NSRP1: variants seen among roughly 807,000 people sequenced by gnomAD.
NSRP1 encodes coiled-coil domain containing 55.
In NSRP1, 24 loss-of-function variants were observed where a neutral mutation model predicts 54.7. That is an observed-to-expected ratio of 0.44 (90% CI 0.32 to 0.62). The LOEUF is 0.62. Among genes scored for constraint, NSRP1 ranks in the 20% least tolerant of loss-of-function variants. The pLI is 0.06. For synonymous variants in NSRP1, 210 were observed against 213.8 expected (o/e 0.98, Z 0.15); for missense variants, 596 against 651.2 (o/e 0.92, Z 0.92).
At position 30,181,721 on chromosome 17, in the gene NSRP1, G is replaced by A. The variant is rs146258543; in HGVS notation, c.617+705G>A. ...TGCCTCTCAAGTTCAAGGGATTCTC[G>A]TGCCTCAGCTTCCTGAGTAGCTGGG... On this transcript the variant is annotated intron_variant, in intron 6 of 6. Coordinates refer to ENST00000247026, the MANE Select transcript of NSRP1 (RefSeq NM_032141.4). Among the ~76,000 whole-genome samples, 804 of 150,898 alleles carry A rather than the reference G, an allele frequency of 5.3e-3. 7 individuals carry two copies. Among genetic ancestry groups the A allele is most frequent in the African/African-American group, 0.018 (746 of 41,038 alleles).
intron 2 of NSRP1, 68 bp downstream of exon 2, chr17:30,118,241 C>T: frequency 1.7e-6 from 2 of 1,175,826 alleles, no homozygotes; most frequent in Non-Finnish European, 2.5e-6. Flanking sequence ...GAACTTGTGA[C>T]TCTGATACCT....
In NSRP1 at chr17:30,118,069, A is replaced by C. The variant is rs756546980; in HGVS notation, c.21-11A>C. ...AAGGTTTAATTTCTATTTCAAAAAAAATATATGCAGGTATGGGCTTATTTT... is the reference window on the plus strand; with the variant it reads ...AAGGTTTAATTTCTATTTCAAAAAACATATATGCAGGTATGGGCTTATTTT... On this transcript the variant is annotated splice_polypyrimidine_tract_variant and intron_variant, in intron 1 of 6. Transcript: ENST00000247026. 10 of 1,605,750 alleles carry C rather than the reference A, an allele frequency of 6.2e-6. No individual in the cohort carries two copies. The East Asian group carries it at 2.0e-4, about 32-fold the overall frequency.
intron 2 of NSRP1, among the ~76,000 whole-genome samples, chr17:30,170,132 A>G (rs1047811086): frequency 4.6e-5 from 7 of 152,154 alleles, no homozygotes; most frequent in Admixed American, 1.3e-4. Flanking sequence ...AAAAAGATGT[A>G]ATTCACATAG....
At chr17:30,127,540 A>G (rs2071661289) in intron 2 of NSRP1, among the ~76,000 whole-genome samples, 1 of 152,154 alleles carries the variant, frequency 6.6e-6, no homozygotes, top group Non-Finnish European at 1.5e-5. Flanking sequence ...TAAACACTCC[A>G]GTAGCTGGCA....
chr17:30,118,795 C>T (rs975802455), intron 2 of NSRP1, among the ~76,000 whole-genome samples: 1 of 150,072 alleles, frequency 6.7e-6, no homozygotes, highest in Non-Finnish European at 1.5e-5. Flanking sequence ...GTTGCCCAGG[C>T]TGGAGTGCAA....
At chr17:30,124,660 A>G (rs907541167) in intron 2 of NSRP1, among the ~76,000 whole-genome samples, 6 of 152,234 alleles carry the variant, frequency 3.9e-5, no homozygotes, top group Non-Finnish European at 7.3e-5. Context: ...TGGGGACCAG[A>G]GTTACCTGGT....
At chr17:30,183,974 G>T (rs1905411689) in intron 6 of NSRP1, among the ~76,000 whole-genome samples, 1 of 152,214 alleles carries the variant, frequency 6.6e-6, no homozygotes. Flanking sequence ...GGCCAGGGTG[G>T]TTGGATCACC....
intron 2 of NSRP1, among the ~76,000 whole-genome samples, chr17:30,129,049 C>T (rs751161134): frequency 6.0e-5 from 9 of 150,814 alleles, no homozygotes; most frequent in East Asian, 1.9e-4. Context: ...TGAGCCACCA[C>T]GCCTGGCATG....
intron 2 of NSRP1, among the ~76,000 whole-genome samples, chr17:30,121,528 T>C (rs2071596536): frequency 6.6e-6 from 1 of 151,342 alleles, no homozygotes; most frequent in African/African-American, 2.4e-5. Context: ...ACTTTACCCT[T>C]TTAAAGTGTA....
intron 2 of NSRP1, among the ~76,000 whole-genome samples, chr17:30,163,665 C>T (rs1385552960): frequency 7.1e-6 from 1 of 141,686 alleles, no homozygotes; most frequent in Admixed American, 7.0e-5. Context: ...TTTATGGTGC[C>T]TATACTTTGA....
At chr17:30,175,713 G>C (rs1353807925) in intron 3 of NSRP1, among the ~76,000 whole-genome samples, 2 of 152,134 alleles carry the variant, frequency 1.3e-5, no homozygotes, top group African/African-American at 4.8e-5. Context: ...TCCCTAACAT[G>C]ATTATTTTGG....
intron 2 of NSRP1, among the ~76,000 whole-genome samples, chr17:30,164,029 G>A (rs904238537): frequency 6.9e-6 from 1 of 145,642 alleles, no homozygotes; most frequent in African/African-American, 2.8e-5. Flanking sequence ...GTGTGTGTGT[G>A]CGTGTGTGCG....
intron 2 of NSRP1, among the ~76,000 whole-genome samples, chr17:30,162,300 G>C (rs1233147375): frequency 6.6e-6 from 1 of 152,092 alleles, no homozygotes; most frequent in East Asian, 1.9e-4. Flanking sequence ...AAAGTGCTGG[G>C]ATTACAGGCG....
chr17:30,180,245 C>T (rs558474790), intron 5 of NSRP1, among the ~76,000 whole-genome samples: 7 of 152,332 alleles, frequency 4.6e-5, no homozygotes, highest in African/African-American at 1.2e-4. Context: ...CAACCTCTGC[C>T]TCCCAAGTTC....
chr17:30,164,076 AC>A (rs1904642695), intron 2 of NSRP1, among the ~76,000 whole-genome samples: 2 of 152,110 alleles, frequency 1.3e-5, no homozygotes, highest in African/African-American at 4.8e-5. Flanking sequence ...TGTAAAATAG[AC>A]CAGTCACTTT....
rs912543482 is a variant in NSRP1 at position 30,186,230 on chromosome 17, A to C, written c.*556A>C. 1 of 152,186 alleles carries C rather than the reference A, an allele frequency of 6.6e-6. No homozygotes were observed. The highest frequency in any genetic ancestry group is 1.5e-5 in the Non-Finnish European group (1 of 68,034). The allele number at this position is 152,186 out of a possible 1,614,324, so 9.4% of individuals were successfully genotyped here. A position where few individuals can be genotyped will look rare whatever the true frequency, so the allele number is the denominator to read the frequency against. On this transcript the variant is annotated 3_prime_UTR_variant, in exon 7 of 7. Coordinates refer to ENST00000247026, the MANE Select transcript of NSRP1 (RefSeq NM_032141.4). ...CAGTGAGGTATGATCATGCCACTGCACTCCAACCTGGGCAACAGAATGAGA... is the reference window on the plus strand; with the variant it reads ...CAGTGAGGTATGATCATGCCACTGCCCTCCAACCTGGGCAACAGAATGAGA...
chr17:30,178,882 CATTATAAACA>C (rs1249255778), intron 4 of NSRP1, among the ~76,000 whole-genome samples, 198 bp from the exon 5 acceptor site: 1 of 151,782 alleles, frequency 6.6e-6, no homozygotes, highest in Non-Finnish European at 1.5e-5. Context: ...AGTTAAATCG[CATTATAAACA>C]ATTTCTATCT....
In NSRP1 at chr17:30,118,157, C is replaced by CTGA; in HGVS notation, c.111_113dup (p.Asp37dup). 1.9e-6 allele frequency: 3 copies of CTGA among 1,613,494 alleles called. No individual in the cohort carries two copies. The highest frequency in any genetic ancestry group is 1.7e-5 in the Admixed American group (1 of 59,986). The stretch of plus-strand genomic sequence containing the variant: ...AAACCATCAGTGTTTGGGAATGATT[C>CTGA]TGATGATGATGATGAGGTAAGGAAA... On this transcript the variant is annotated inframe_insertion, in exon 2 of 7. Transcript: ENST00000247026.
At chr17:30,177,992 A>T (rs1319203754) in intron 3 of NSRP1, 79 bp from the exon 4 acceptor site, 1 of 1,422,388 alleles carries the variant, frequency 7.0e-7, no homozygotes, top group South Asian at 1.2e-5. Context: ...CAATTTATGA[A>T]CCATTCTCAA....
Sources: allele counts gnomAD v4.1 joint callset (sites outside exome capture counted in the v4.1 genomes callset), GRCh38; gene constraint gnomAD v4.1.1; transcripts MANE v1.5; gene names NCBI Gene and HGNC (gene_info 2026-07-23, HGNC 2026-07-21).